Variants in HEMK2 observed in about 807,000 individuals in gnomAD.
The protein encoded by HEMK2 is HemK methyltransferase 2, ETF1 glutamine and histone H4 lysine.
chr21:28,677,387 C>G, the HEMK2 span, among the ~76,000 whole-genome samples: 1 of 152,196 alleles, frequency 6.6e-6, no homozygotes, highest in Non-Finnish European at 1.5e-5. Context: ...AGTAGGTAAA[C>G]AAAGCGGCTG....
chr21:28,685,306 T>C, the HEMK2 span, among the ~76,000 whole-genome samples: 2 of 151,816 alleles, frequency 1.3e-5, no homozygotes, highest in African/African-American at 4.9e-5. Context: ...CACTATGATA[T>C]GTATTTCATC....
At chr21:28,740,308 C>T in the HEMK2 span, among the ~76,000 whole-genome samples, 4 of 152,170 alleles carry the variant, frequency 2.6e-5, no homozygotes, top group African/African-American at 9.7e-5. Context: ...TTCAAACTGG[C>T]CAAAACACAT....
chr21:28,595,807 C>G, the HEMK2 span, among the ~76,000 whole-genome samples: 90 of 135,874 alleles, frequency 6.6e-4, no homozygotes, highest in African/African-American at 2.5e-3. Context: ...ATTTTTGAGA[C>G]AGAGTTTCGC....
At chr21:28,741,012 G>A in the HEMK2 span, among the ~76,000 whole-genome samples, 2 of 152,162 alleles carry the variant, frequency 1.3e-5, no homozygotes, top group Admixed American at 1.3e-4. Flanking sequence ...TACTTCCTAA[G>A]TTGGTTTCTG....
the HEMK2 span, among the ~76,000 whole-genome samples, chr21:28,822,380 C>T: frequency 2.6e-5 from 4 of 152,190 alleles, no homozygotes; most frequent in South Asian, 2.1e-4. Flanking sequence ...AAGATACCCA[C>T]AATTTAAATC....
the HEMK2 span, among the ~76,000 whole-genome samples, chr21:28,798,101 C>T: frequency 9.2e-5 from 14 of 152,246 alleles, no homozygotes; most frequent in South Asian, 8.3e-4. Context: ...GTTATCTTTC[C>T]GCTCTCCCTT....
the HEMK2 span, among the ~76,000 whole-genome samples, chr21:28,690,591 C>A: frequency 6.6e-6 from 1 of 152,080 alleles, no homozygotes; most frequent in Non-Finnish European, 1.5e-5. Flanking sequence ...CTCACCTGAA[C>A]CAAGAAGTAG....
chr21:28,634,802 T>C, the HEMK2 span, among the ~76,000 whole-genome samples: 1 of 152,180 alleles, frequency 6.6e-6, no homozygotes, highest in Non-Finnish European at 1.5e-5. Flanking sequence ...ATTAATATAC[T>C]GCATATAAAG....
the HEMK2 span, among the ~76,000 whole-genome samples, chr21:28,622,514 A>T: frequency 6.6e-6 from 1 of 152,222 alleles, no homozygotes; most frequent in African/African-American, 2.4e-5. Flanking sequence ...AAGAGCCCAT[A>T]TAGCCAAGAC....
the HEMK2 span, among the ~76,000 whole-genome samples, chr21:28,688,725 C>T: frequency 6.6e-6 from 1 of 152,042 alleles, no homozygotes; most frequent in African/African-American, 2.4e-5. Flanking sequence ...AATGTTTATG[C>T]TATGACTAAA....
At chr21:28,732,830 T>G in the HEMK2 span, among the ~76,000 whole-genome samples, 1 of 152,194 alleles carries the variant, frequency 6.6e-6, no homozygotes, top group African/African-American at 2.4e-5. Context: ...CTGACCATTA[T>G]TCCCTTCTCC....
the HEMK2 span, among the ~76,000 whole-genome samples, chr21:28,695,628 T>C: frequency 6.6e-6 from 1 of 152,038 alleles, no homozygotes; most frequent in South Asian, 2.1e-4. Flanking sequence ...TATCTCCACC[T>C]GGCCCCACCC....
the HEMK2 span, among the ~76,000 whole-genome samples, chr21:28,579,049 C>T: frequency 2.6e-4 from 39 of 152,218 alleles, no homozygotes; most frequent in African/African-American, 3.6e-4. Context: ...TATTGAATAA[C>T]GTACTTTTGA....
the HEMK2 span, among the ~76,000 whole-genome samples, chr21:28,801,955 C>T: frequency 6.6e-6 from 1 of 152,064 alleles, no homozygotes. Flanking sequence ...TTATCTTTGG[C>T]GGCCAATTTG....
the HEMK2 span, among the ~76,000 whole-genome samples, chr21:28,756,629 C>T: frequency 6.6e-6 from 1 of 152,106 alleles, no homozygotes; most frequent in Admixed American, 6.6e-5. Flanking sequence ...TGCCTTTTGC[C>T]AGAGAGTTTA....
At chr21:28,746,225 T>C in the HEMK2 span, among the ~76,000 whole-genome samples, 1 of 152,186 alleles carries the variant, frequency 6.6e-6, no homozygotes, top group Non-Finnish European at 1.5e-5. Context: ...TATTTGGAGC[T>C]TTTTCTGTGG....
chr21:28,613,503 C>T, the HEMK2 span, among the ~76,000 whole-genome samples: 15 of 151,764 alleles, frequency 9.9e-5, no homozygotes, highest in Non-Finnish European at 2.1e-4. Flanking sequence ...ATGGGGAAAC[C>T]ATTGTATAGA....
chr21:28,866,818 T>C, the HEMK2 span, among the ~76,000 whole-genome samples: 2 of 152,174 alleles, frequency 1.3e-5, no homozygotes, highest in Non-Finnish European at 2.9e-5. Flanking sequence ...CCAGAATATA[T>C]GAATAATTAG....
chr21:28,596,101 G>A, the HEMK2 span, among the ~76,000 whole-genome samples: 1 of 151,870 alleles, frequency 6.6e-6, no homozygotes, highest in African/African-American at 2.4e-5. Flanking sequence ...GGAGTGCAGT[G>A]GTGCGATCTC....
Sources: gnomAD v4.1 joint callset for allele counts (sites outside exome capture counted in the v4.1 genomes callset) on GRCh38, gnomAD v4.1.1 for gene constraint, MANE v1.5 for transcripts, NCBI Gene and HGNC (gene_info 2026-07-23, HGNC 2026-07-21) for gene names.